The following FREM1 variants were observed in gnomAD, a reference collection of about 807,000 sequenced individuals.
FREM1 encodes the protein FRAS1 related extracellular matrix 1.
FREM1 carries 220 observed loss-of-function variants against 210.1 expected under a neutral mutation model. The ratio of observed to expected loss-of-function variants is 1.05; its 90% CI spans 0.94 to 1.17. The LOEUF (loss-of-function observed/expected upper bound fraction) is 1.17, where lower values mean the gene tolerates loss of function less well. Among genes scored for constraint, FREM1 ranks in the 50% most tolerant of loss-of-function variants. The pLI is 0.00. For synonymous variants in FREM1, 1,189 were observed against 980.2 expected (o/e 1.21, Z -3.98); for missense variants, 3,454 against 2,675.5 (o/e 1.29, Z -6.42).
At position 14,806,415 on chromosome 9, in the gene FREM1, C is replaced by A. The variant is rs141075024; in HGVS notation, c.3274+246G>T. Among the ~76,000 whole-genome samples, 452 of 152,258 alleles carry A rather than the reference C, an allele frequency of 3.0e-3. 3 individuals are homozygous for A. Among genetic ancestry groups the A allele is most frequent in the African/African-American group, 0.01 (424 of 41,552 alleles). Reference sequence around the variant, plus strand: ...GGATTACAGGCATATGCCACCACACCTGGCTAATTTTTTATATTTAGTAGA... The same window carrying A: ...GGATTACAGGCATATGCCACCACACATGGCTAATTTTTTATATTTAGTAGA... On this transcript the variant is annotated intron_variant, in intron 18 of 36. Transcript: ENST00000380880.
intron 10 of FREM1, among the ~76,000 whole-genome samples, chr9:14,831,145 T>A (rs113884312): frequency 0.033 from 5,084 of 152,230 alleles, 273 homozygotes; most frequent in African/African-American, 0.12. Context: ...CTGAGGCAAC[T>A]GAGAATTTCT....
Position 14,745,851 on chromosome 9 carries a change from G to T in FREM1, c.6254+502C>A, listed in dbSNP as rs139912888. Among the ~76,000 whole-genome samples the T allele has an allele frequency of 2.3e-3, 351 of 152,308 alleles. 2 individuals are homozygous for T. The highest frequency in any genetic ancestry group is 8.1e-3 in the African/African-American group (337 of 41,570). On this transcript the variant is annotated intron_variant, in intron 35 of 36. Transcript: ENST00000380880. Reference sequence around the variant, plus strand: ...TATTGAATGTTCTTTTACCCAGTGAGCCTTTGTCTTACTTGCCCAGCTTTA... The same window carrying T: ...TATTGAATGTTCTTTTACCCAGTGATCCTTTGTCTTACTTGCCCAGCTTTA...
intron 10 of FREM1, among the ~76,000 whole-genome samples, chr9:14,832,538 T>C (rs74577241): frequency 2.2e-3 from 332 of 152,342 alleles, no homozygotes; most frequent in Admixed American, 3.3e-3. Context: ...ACAACCCTAA[T>C]TGAATTCCTT....
In FREM1 at chr9:14,851,410, C is replaced by A; in HGVS notation, c.1026G>T (p.Gln342His). The A allele has an allele frequency of 6.2e-7, 1 of 1,613,892 alleles. No individual in the cohort carries two copies. Among genetic ancestry groups the A allele is most frequent in the Non-Finnish European group, 8.5e-7 (1 of 1,179,858 alleles). Reference sequence around the variant, plus strand: ...GATCCAACAGGTGAGTCACATAGCCCTGGAGCGGGGCTTTAGTAATGTTGA... The same window carrying A: ...GATCCAACAGGTGAGTCACATAGCCATGGAGCGGGGCTTTAGTAATGTTGA... ...LVFNITKAPL[Q>H]GYVTHLLDHT... Residue 342 changes from glutamine to histidine, a missense_variant, in exon 6 of 37, where the codon CAG becomes CAT. Gln to His is a conservative substitution (Grantham distance 24). Transcript: ENST00000380880.
rs1193376168 is a variant in FREM1, at chr9:14,786,604, C to A, written c.4178-1970G>T. 2.0e-5 allele frequency among the ~76,000 whole-genome samples: 3 copies of A among 152,148 alleles called. No homozygotes were observed. In the East Asian group the frequency reaches 5.8e-4, roughly 29 times the overall value. ...TGCTACTGGCTTCTAGATTCAGAGA[C>A]CTGGGATGCTGCTAAACATTTTACA... On this transcript the variant is annotated intron_variant, in intron 23 of 36. Coordinates refer to ENST00000380880, the MANE Select transcript of FREM1 (RefSeq NM_001379081.2).
intron 26 of FREM1, 83 bp downstream of exon 26, chr9:14,770,522 T>C (rs1847343641): frequency 2.0e-6 from 2 of 1,002,944 alleles, no homozygotes; most frequent in East Asian, 2.4e-5. Flanking sequence ...CAAATGGGCC[T>C]GCACTTAATT....
At position 14,897,452 on chromosome 9, in the gene FREM1, C is replaced by G. The variant is rs562928349; in HGVS notation, c.-268+12462G>C. 2.4e-3 allele frequency among the ~76,000 whole-genome samples: 343 copies of G among 142,520 alleles called. 2 individuals carry two copies. Among genetic ancestry groups the G allele is most frequent in the African/African-American group, 9.0e-3 (326 of 36,264 alleles). 93.5% of individuals were successfully genotyped at this position (142,520 alleles called of 152,430 possible). A position where few individuals can be genotyped will look rare whatever the true frequency, so the allele number is the denominator to read the frequency against. The stretch of plus-strand genomic sequence containing the variant: ...GCTAAGTGATTTGTCAAAGGTTAGA[C>G]AATTGGTTGTTGCTTTACCCACTGA... On this transcript the variant is annotated intron_variant, in intron 1 of 36. Transcript: ENST00000380880.
chr9:14,888,880 G>C (rs1279045179), intron 1 of FREM1, among the ~76,000 whole-genome samples: 1 of 152,156 alleles, frequency 6.6e-6, no homozygotes, highest in African/African-American at 2.4e-5. Context: ...AGAAAGGCAT[G>C]CTCATTAATT....
intron 1 of FREM1, among the ~76,000 whole-genome samples, chr9:14,904,008 G>A (rs1264174240): frequency 6.6e-6 from 1 of 150,808 alleles, no homozygotes; most frequent in Non-Finnish European, 1.5e-5. Context: ...TGTAGTCCCA[G>A]CTGCTTGGGA....
At chr9:14,860,618 TATATATACAC>T (rs990597222) in intron 3 of FREM1, among the ~76,000 whole-genome samples, 3 of 127,100 alleles carry the variant, frequency 2.4e-5, no homozygotes, top group Non-Finnish European at 3.4e-5. Context: ...TATACACACA[TATATATACAC>T]ATATATACAC....
At chr9:14,894,126 TG>T (rs1280186513) in intron 1 of FREM1, among the ~76,000 whole-genome samples, 4 of 152,228 alleles carry the variant, frequency 2.6e-5, no homozygotes, top group Non-Finnish European at 4.4e-5. Context: ...TTGGCTTATT[TG>T]GTATAAAAAT....
intron 8 of FREM1, among the ~76,000 whole-genome samples, chr9:14,843,512 TA>T (rs1826054868): frequency 1.3e-5 from 2 of 152,140 alleles, no homozygotes; most frequent in Admixed American, 6.5e-5. Context: ...GGTAGGTAGG[TA>T]GGTAGGTAGG....
chr9:14,764,816 GA>G (rs1846099523), intron 27 of FREM1, among the ~76,000 whole-genome samples: 2 of 152,142 alleles, frequency 1.3e-5, no homozygotes, highest in African/African-American at 4.8e-5. Flanking sequence ...ATTCATTTAT[GA>G]TGAAACAAGA....
chr9:14,813,784 CCT>C (rs1819818921), intron 15 of FREM1, among the ~76,000 whole-genome samples: 1 of 152,176 alleles, frequency 6.6e-6, no homozygotes, highest in African/African-American at 2.4e-5. Flanking sequence ...GGACAACCCC[CCT>C]CTGAGTTCAC....
At chr9:14,831,087 G>T (rs1215952843) in intron 10 of FREM1, among the ~76,000 whole-genome samples, 1 of 152,150 alleles carries the variant, frequency 6.6e-6, no homozygotes, top group African/African-American at 2.4e-5. Flanking sequence ...GCTTGAAGTA[G>T]CTTCTTTTCA....
chr9:14,784,337 A>G (rs1368171784), intron 24 of FREM1, 33 bp downstream of exon 24: 3 of 1,596,242 alleles, frequency 1.9e-6, no homozygotes, highest in Non-Finnish European at 2.6e-6. Context: ...ATTAATCCAA[A>G]GAAGGGGTTT....
chr9:14,872,347 G>C (rs1832835185), intron 1 of FREM1, among the ~76,000 whole-genome samples: 1 of 151,988 alleles, frequency 6.6e-6, no homozygotes, highest in Non-Finnish European at 1.5e-5. Context: ...ATTTCATTGA[G>C]CAGTGGTTTG....
intron 3 of FREM1, among the ~76,000 whole-genome samples, chr9:14,861,336 TAC>T (rs1330756444): frequency 4.6e-5 from 6 of 131,110 alleles, no homozygotes; most frequent in South Asian, 2.2e-4. Flanking sequence ...TATACATATA[TAC>T]ACATATATAT....
At chr9:14,765,113 T>C (rs547799791) in intron 27 of FREM1, among the ~76,000 whole-genome samples, 3 of 152,222 alleles carry the variant, frequency 2.0e-5, no homozygotes, top group South Asian at 2.1e-4. Context: ...TCTTCATTTA[T>C]AATCAAGTAG....
Sources: gnomAD v4.1 joint callset for allele counts (sites outside exome capture counted in the v4.1 genomes callset) on GRCh38, gnomAD v4.1.1 for gene constraint, MANE v1.5 for transcripts, NCBI Gene and HGNC (gene_info 2026-07-23, HGNC 2026-07-21) for gene names.